The following RHNO1 variants were observed in gnomAD, a reference collection of about 807,000 sequenced individuals.
RHNO1 encodes the protein RAD9-HUS1-RAD1 interacting nuclear orphan 1, also known as RAD9, HUS1, RAD1-interacting nuclear orphan protein 1.
Under a neutral mutation model 7.2 loss-of-function variants are expected in RHNO1, and 9 were observed. That is an observed-to-expected ratio of 1.25 (90% CI 0.75 to 2.18). RHNO1 has a LOEUF of 2.18. Ranked by LOEUF, RHNO1 falls within the 30% of genes most tolerant of loss-of-function variation. The pLI is 0.00. For missense variants in RHNO1, 292 were observed against 284.5 expected, an observed-to-expected ratio of 1.03 and a Z score of -0.19; for synonymous variants, 95 against 107.5, an observed-to-expected ratio of 0.88 and a Z score of 0.72.
chr12:2,885,579 T>C, intron 2 of RHNO1, 45 bp downstream of exon 2: 1 of 1,486,680 alleles, frequency 6.7e-7, no homozygotes, highest in Non-Finnish European at 9.0e-7. Flanking sequence ...TTTTTTTTTT[T>C]TTTTTTTTTT....
chr12:2,885,432 A>G lies in RHNO1; in HGVS notation c.66A>G (p.Pro22=). Reference sequence around the variant, plus strand: ...CCCCGCTGCTGTTCCACCAACAACCACTGGAGGGCCCCAAACACAGCTGTG... The same window carrying G: ...CCCCGCTGCTGTTCCACCAACAACCGCTGGAGGGCCCCAAACACAGCTGTG... ...QKAPLLFHQQ[P]LEGPKHSCAS... is the part of the protein sequence containing the mutation. The change falls in exon 2 of 3, where the codon CCA becomes CCG. Residue 22 remains proline, a synonymous_variant. Transcript: ENST00000489288. 6.2e-7 allele frequency: 1 copy of G among 1,613,544 alleles called. No individual in the cohort carries two copies. The highest frequency in any genetic ancestry group is 8.5e-7 in the Non-Finnish European group (1 of 1,179,880).
Position 2,888,219 on chromosome 12 carries a change from C to T in RHNO1, c.477C>T (p.Thr159=). Residue 159 remains threonine (T), a synonymous_variant, in exon 3 of 3, where the codon ACC becomes ACT. Coordinates refer to ENST00000489288, the MANE Select transcript of RHNO1 (RefSeq NM_001252499.3). ...TGTTCATTCCACCTGATATCCAGAC[C>T]CCAGAGTCATCGTCTGTGAAGGAAG... ...PYVFIPPDIQ[T]PESSSVKEEL... 1 of 1,614,064 alleles carries T rather than the reference C, an allele frequency of 6.2e-7. No homozygotes were observed. Among genetic ancestry groups the T allele is most frequent in the Non-Finnish European group, 8.5e-7 (1 of 1,180,018 alleles).
At chr12:2,880,479 G>A (rs988698570) in intron 1 of RHNO1, among the ~76,000 whole-genome samples, 4 of 151,716 alleles carry the variant, frequency 2.6e-5, no homozygotes, top group African/African-American at 7.3e-5. Flanking sequence ...TTAGCTGGGC[G>A]TGGTGAGGGC....
chr12:2,877,437 TC>T (rs1565484059), intron 1 of RHNO1, among the ~76,000 whole-genome samples, 155 bp downstream of exon 1: 3 of 151,882 alleles, frequency 2.0e-5, no homozygotes, highest in Non-Finnish European at 4.4e-5. Flanking sequence ...GGCCCGCTTT[TC>T]CTGCCGCGCT....
intron 1 of RHNO1, among the ~76,000 whole-genome samples, chr12:2,884,814 T>C (rs764755987): frequency 1.9e-4 from 29 of 152,234 alleles, no homozygotes; most frequent in Non-Finnish European, 3.8e-4. Flanking sequence ...TTGTGTACAC[T>C]GTTCCTCAGG....
intron 1 of RHNO1, among the ~76,000 whole-genome samples, chr12:2,879,077 A>G (rs1379572893): frequency 2.0e-5 from 3 of 151,720 alleles, no homozygotes; most frequent in Non-Finnish European, 4.4e-5. Context: ...TTGGCTCACT[A>G]CAACCTCAAC....
intron 1 of RHNO1, 22 bp from the exon 2 acceptor site, chr12:2,885,261 A>G (rs1159976442): frequency 1.2e-5 from 12 of 986,636 alleles, no homozygotes; most frequent in Non-Finnish European, 1.8e-5. Context: ...ATTTGCTCCC[A>G]GCTTTTGTTT....
intron 2 of RHNO1, 41 bp from the exon 3 acceptor site, chr12:2,887,869 AG>A (rs2098167411): frequency 2.7e-6 from 4 of 1,469,570 alleles, no homozygotes; most frequent in Non-Finnish European, 3.7e-6. Context: ...CTCTTAGGTT[AG>A]TACTTAGTTA....
chr12:2,884,968 T>C lies in RHNO1; in HGVS notation c.-84-315T>C, dbSNP rs2907611. 0.44 allele frequency among the ~76,000 whole-genome samples: 67,063 copies of C among 151,068 alleles called. 15,564 individuals are homozygous for C. The highest frequency in any genetic ancestry group is 0.65 in the East Asian group (3,334 of 5,114). ...GTTGTAAATGTCTGTTTCCCTTTGCTAGACTTTCAGCTCCTCGAAACAGGG... is the reference window on the plus strand; with the variant it reads ...GTTGTAAATGTCTGTTTCCCTTTGCCAGACTTTCAGCTCCTCGAAACAGGG... On this transcript the variant is annotated intron_variant, in intron 1 of 2. Transcript: ENST00000489288.
chr12:2,880,919 G>A (rs761767361), intron 1 of RHNO1, among the ~76,000 whole-genome samples: 1 of 151,770 alleles, frequency 6.6e-6, no homozygotes. Context: ...GATTACAGGC[G>A]TGAGCTACTG....
rs1565485072 is a variant in RHNO1 at position 2,878,300 on chromosome 12, G to A, written c.-85+1018G>A. ...GGCTTTTGTAATGAGAGCTTGGTGT[G>A]AGATCTGATGCCTTTTACAAAGAAA... On this transcript the variant is annotated intron_variant, in intron 1 of 2. Coordinates refer to ENST00000489288, the MANE Select transcript of RHNO1 (RefSeq NM_001252499.3). 2.6e-5 allele frequency among the ~76,000 whole-genome samples: 4 copies of A among 152,190 alleles called. No homozygotes were observed. In the South Asian group the frequency reaches 8.3e-4, roughly 32 times the overall value.
chr12:2,878,805 G>A (rs1344509180), intron 1 of RHNO1, among the ~76,000 whole-genome samples: 2 of 151,788 alleles, frequency 1.3e-5, no homozygotes, highest in Admixed American at 6.6e-5. Flanking sequence ...GGAGGTAGAA[G>A]TGTCAAGATT....
rs1318677210 is a variant in RHNO1, at chr12:2,887,993, G to A, written c.251G>A (p.Arg84Gln). The A allele has an allele frequency of 9.9e-6, 16 of 1,613,586 alleles. No individual in the cohort carries two copies. Among genetic ancestry groups the A allele is most frequent in the East Asian group, 2.2e-5 (1 of 44,844 alleles). The part of the protein sequence containing the change: ...KHQNRARHSS[R>Q]KPTTSKFPHL... The stretch of plus-strand genomic sequence containing the variant: ...CAAAACCGGGCGAGACACTCAAGTC[G>A]AAAACCTACCACCTCCAAGTTTCCA... Residue 84 changes from arginine (R) to glutamine (Q), a missense_variant, in exon 3 of 3, where the codon CGA becomes CAA. Coordinates refer to ENST00000489288, the MANE Select transcript of RHNO1 (RefSeq NM_001252499.3).
chr12:2,882,245 T>C (rs2098158770), intron 1 of RHNO1, among the ~76,000 whole-genome samples: 1 of 150,952 alleles, frequency 6.6e-6, no homozygotes, highest in Non-Finnish European at 1.5e-5. Context: ...AGTTCCAGAC[T>C]AGTCTGGGCA....
At chr12:2,881,172 G>A (rs1171065555) in intron 1 of RHNO1, among the ~76,000 whole-genome samples, 2 of 151,900 alleles carry the variant, frequency 1.3e-5, no homozygotes, top group East Asian at 1.9e-4. Flanking sequence ...GCGTGATCTC[G>A]GCTCACTGCA....
In RHNO1 at chr12:2,885,268, G is replaced by C; in HGVS notation, c.-84-15G>C. ...TCTGAATTATTTGCTCCCAGCTTTT[G>C]TTTCTTCTCTACAGGCATGGGTTGG... is the stretch of plus-strand genomic sequence containing the variant. On this transcript the variant is annotated splice_polypyrimidine_tract_variant and intron_variant, in intron 1 of 2. Coordinates refer to ENST00000489288, the MANE Select transcript of RHNO1 (RefSeq NM_001252499.3). 9.4e-7 allele frequency: 1 copy of C among 1,062,886 alleles called. No individual in the cohort carries two copies. Among genetic ancestry groups the C allele is most frequent in the Non-Finnish European group, 1.4e-6 (1 of 730,920 alleles). The allele number at this position is 1,062,886 out of a possible 1,614,324, so 65.8% of individuals were successfully genotyped here.
intron 1 of RHNO1, among the ~76,000 whole-genome samples, chr12:2,878,616 G>A (rs1395352214): frequency 6.6e-6 from 1 of 152,012 alleles, no homozygotes; most frequent in African/African-American, 2.4e-5. Flanking sequence ...TGCTAGAGTG[G>A]ATTAGGGCAG....
Position 2,885,554 on chromosome 12 carries a change from A to G in RHNO1, c.168+20A>G, listed in dbSNP as rs1416341027. On this transcript the variant is annotated intron_variant, in intron 2 of 2. Coordinates refer to ENST00000489288, the MANE Select transcript of RHNO1 (RefSeq NM_001252499.3). ...TCCTGGGTAGGCCCATGGGATTACT[A>G]TTTGACATTTTTTTTTTTTTTTTTT... 3 of 729,202 alleles carry G rather than the reference A, an allele frequency of 4.1e-6. No individual in the cohort carries two copies. Among genetic ancestry groups the G allele is most frequent in the Non-Finnish European group, 6.3e-6 (3 of 479,534 alleles). The allele number at this position is 729,202 out of a possible 1,614,324, so 45.2% of individuals were successfully genotyped here. A position where few individuals can be genotyped will look rare whatever the true frequency, so the allele number is the denominator to read the frequency against.
Position 2,884,232 on chromosome 12 carries a change from T to TTTTG in RHNO1, c.-84-1034_-84-1031dup, listed in dbSNP as rs113654982. On this transcript the variant is annotated intron_variant, in intron 1 of 2. Transcript: ENST00000489288. ...TGCACCACCACACCCGGCTAATCTT[T>TTTTG]TTTGTTTGTTTGTTTGTTTGAGACA... 2.1e-3 allele frequency among the ~76,000 whole-genome samples: 313 copies of TTTTG among 152,036 alleles called. 1 individual carries two copies. Among genetic ancestry groups the TTTTG allele is most frequent in the African/African-American group, 6.8e-3 (281 of 41,454 alleles).
Sources: gnomAD v4.1 joint callset for allele counts (sites outside exome capture counted in the v4.1 genomes callset) on GRCh38, gnomAD v4.1.1 for gene constraint, MANE v1.5 for transcripts, NCBI Gene and HGNC (gene_info 2026-07-23, HGNC 2026-07-21) for gene names.